CACNA1C: variants seen among roughly 807,000 people sequenced by gnomAD.
CACNA1C encodes the protein voltage-dependent L-type calcium channel subunit alpha-1C.
Under a neutral mutation model 229.0 loss-of-function variants are expected in CACNA1C, and 30 were observed. The ratio of observed to expected loss-of-function variants is 0.13; its 90% CI spans 0.10 to 0.18. The LOEUF is 0.18. Among genes scored for constraint, CACNA1C ranks in the 10% least tolerant of loss-of-function variants. The probability of loss-of-function intolerance (pLI) is 1.00; values close to 1 mark genes in which losing one functional copy is unlikely to be tolerated. For synonymous variants in CACNA1C, 1,114 were observed against 1,132.5 expected (o/e 0.98, Z 0.33); for missense variants, 1,658 against 2,845.0 (o/e 0.58, Z 9.49).
At chr12:2,136,262 C>T (rs976959763) in intron 3 of CACNA1C, among the ~76,000 whole-genome samples, 7 of 151,524 alleles carry the variant, frequency 4.6e-5, no homozygotes, top group African/African-American at 9.6e-5. Context: ...TCTTCTGCGT[C>T]GGTCACGCTG....
intron 3 of CACNA1C, among the ~76,000 whole-genome samples, chr12:2,337,503 C>A (rs553287502): frequency 6.6e-6 from 1 of 152,284 alleles, no homozygotes; most frequent in South Asian, 2.1e-4. Context: ...TTTAGATGTT[C>A]CAGTGTTCCA....
chr12:2,461,771 A>G (rs1175425943), intron 5 of CACNA1C, among the ~76,000 whole-genome samples: 2 of 152,112 alleles, frequency 1.3e-5, no homozygotes, highest in East Asian at 1.9e-4. Context: ...AGAAAATCCT[A>G]TGAGCTTTAC....
In CACNA1C at chr12:2,581,571, CCCT is replaced by C. The variant is rs2060513513; in HGVS notation, c.1896-15_1896-13del. The C allele has an allele frequency of 1.3e-6, 2 of 1,542,932 alleles. No homozygotes were observed. Among genetic ancestry groups the C allele is most frequent in the Non-Finnish European group, 1.8e-6 (2 of 1,141,136 alleles). On this transcript the variant is annotated splice_polypyrimidine_tract_variant and intron_variant, in intron 13 of 46. Coordinates refer to ENST00000399655, the MANE Select transcript of CACNA1C (RefSeq NM_000719.7). The stretch of plus-strand genomic sequence containing the variant: ...ACAGCAAGGGGCAGAGTGCTGACCT[CCCT>C]CCTGTTGGCTCTCAGGTACTGGAAC...
At chr12:2,127,556 C>G (rs1565861644) in intron 3 of CACNA1C, among the ~76,000 whole-genome samples, 1 of 152,218 alleles carries the variant, frequency 6.6e-6, no homozygotes, top group African/African-American at 2.4e-5. Flanking sequence ...CACATAGCTA[C>G]TGTATCATGT....
intron 3 of CACNA1C, among the ~76,000 whole-genome samples, chr12:2,385,856 T>A (rs553488737): frequency 3.2e-4 from 49 of 152,202 alleles, no homozygotes; most frequent in African/African-American, 1.1e-3. Flanking sequence ...CTCCATAGAG[T>A]GGGCCTGGGT....
intron 1 of CACNA1C, among the ~76,000 whole-genome samples, chr12:2,064,820 T>C (rs1351510743): frequency 6.6e-6 from 1 of 152,136 alleles, no homozygotes; most frequent in Non-Finnish European, 1.5e-5. Flanking sequence ...GATAATATCA[T>C]CGGCTGCATT....
rs116346169 is a variant in CACNA1C, at chr12:2,410,033, G to C, written c.478-38943G>C. ...CGCAAACAGAGGAGAATTTTCGCTC[G>C]GGGTGGGAATGAATCATCCTCACCT... On this transcript the variant is annotated intron_variant, in intron 3 of 46. Transcript: ENST00000399655. This position sits in a 1 kb window ranked among gnomAD's most constrained non-coding sequence, Gnocchi z 5.3. Among the ~76,000 whole-genome samples the C allele has an allele frequency of 3.3e-5, 5 of 152,276 alleles. No individual in the cohort carries two copies. The highest frequency in any genetic ancestry group is 3.4e-3 in the Middle Eastern group (1 of 294).
At chr12:2,682,499 T>G in intron 42 of CACNA1C, 51 bp from the exon 43 acceptor site, 1 of 1,594,840 alleles carries the variant, frequency 6.3e-7, no homozygotes, top group Non-Finnish European at 8.5e-7. Flanking sequence ...CTGAAGGAAG[T>G]GGAGGAAGGT....
intron 7 of CACNA1C, among the ~76,000 whole-genome samples, chr12:2,494,681 G>C (rs562365955): frequency 1.3e-5 from 2 of 152,234 alleles, no homozygotes; most frequent in African/African-American, 4.8e-5. Flanking sequence ...GGAAGGAAGA[G>C]TTTTGTAACT....
intron 1 of CACNA1C, among the ~76,000 whole-genome samples, chr12:2,079,259 C>T (rs1279856240): frequency 1.3e-5 from 2 of 151,820 alleles, no homozygotes; most frequent in East Asian, 3.9e-4. Flanking sequence ...TGCACATGTA[C>T]CCTAAAACTT....
At position 2,577,870 on chromosome 12, in the gene CACNA1C, C is replaced by CT. The variant is rs34284324; in HGVS notation, c.1896-3704dup. ...GACAATAAGCAAAGAAGTAATTATT[C>CT]TTTTTTTTTTTTTTTTGAGACGGAG... On this transcript the variant is annotated intron_variant, in intron 13 of 46. Coordinates refer to ENST00000399655, the MANE Select transcript of CACNA1C (RefSeq NM_000719.7). 6.6e-3 allele frequency among the ~76,000 whole-genome samples: 908 copies of CT among 138,120 alleles called. 9 individuals are homozygous for CT. Among genetic ancestry groups the CT allele is most frequent in the Middle Eastern group, 0.044 (12 of 270 alleles). 90.6% of individuals were successfully genotyped at this position (138,120 alleles called of 152,430 possible).
At chr12:2,217,055 A>T (rs1387727128) in intron 3 of CACNA1C, among the ~76,000 whole-genome samples, 2 of 152,286 alleles carry the variant, frequency 1.3e-5, no homozygotes, top group Non-Finnish European at 2.9e-5. Flanking sequence ...ATATACATAC[A>T]GTGGAATATC....
At chr12:2,681,839 C>T in intron 42 of CACNA1C, 1 of 712,976 alleles carries the variant, frequency 1.4e-6, no homozygotes, top group Non-Finnish European at 2.5e-6. Flanking sequence ...GTGGGCCCAG[C>T]ATGCAAGGTC....
chr12:2,197,319 C>A (rs1172670439), intron 3 of CACNA1C, among the ~76,000 whole-genome samples: 1 of 152,184 alleles, frequency 6.6e-6, no homozygotes, highest in Non-Finnish European at 1.5e-5. Context: ...GGAAGACCTC[C>A]TTGCTGCCCC....
At chr12:2,187,916 G>A (rs536435402) in intron 3 of CACNA1C, among the ~76,000 whole-genome samples, 3 of 152,338 alleles carry the variant, frequency 2.0e-5, no homozygotes, top group African/African-American at 7.2e-5. Flanking sequence ...AGCTGAGGGC[G>A]AGGAGGATGC....
At position 2,410,287 on chromosome 12, in the gene CACNA1C, A is replaced by G. The variant is rs114006489; in HGVS notation, c.478-38689A>G. Reference sequence around the variant, plus strand: ...CGGGCACCGTTTTAGCAGCCCCACCACCCATTTTTGGAAACACAACCCTGG... The same window carrying G: ...CGGGCACCGTTTTAGCAGCCCCACCGCCCATTTTTGGAAACACAACCCTGG... On this transcript the variant is annotated intron_variant, in intron 3 of 46. Coordinates refer to ENST00000399655, the MANE Select transcript of CACNA1C (RefSeq NM_000719.7). This position sits in a 1 kb window ranked among gnomAD's most constrained non-coding sequence, Gnocchi z 5.3. Among the ~76,000 whole-genome samples, 1,402 of 152,050 alleles carry G rather than the reference A, an allele frequency of 9.2e-3. 22 individuals are homozygous for G. The highest frequency in any genetic ancestry group is 0.032 in the African/African-American group (1,314 of 41,450).
Position 2,546,794 on chromosome 12 carries a change from C to T in CACNA1C, c.1391-3149C>T, listed in dbSNP as rs993479464. On this transcript the variant is annotated intron_variant, in intron 9 of 46. Transcript: ENST00000399655. ...CCCATTTAAACTGATTAAAAGCAGA[C>T]ACATATATGTTTTGGATGTGAGCCC... 2.0e-5 allele frequency among the ~76,000 whole-genome samples: 3 copies of T among 152,358 alleles called. 1 individual carries two copies.
At chr12:2,100,484 A>G (rs987513054) in intron 1 of CACNA1C, among the ~76,000 whole-genome samples, 1 of 149,926 alleles carries the variant, frequency 6.7e-6, no homozygotes, top group Admixed American at 6.6e-5. Flanking sequence ...AAAAAACAAA[A>G]AAAAAAAACA....
chr12:2,174,643 G>A (rs2096591654), intron 3 of CACNA1C, among the ~76,000 whole-genome samples: 1 of 151,992 alleles, frequency 6.6e-6, no homozygotes, highest in Admixed American at 6.6e-5. Context: ...AACAACATGG[G>A]GGTTAGAGAT....
Sources: gnomAD v4.1 joint callset for allele counts (sites outside exome capture counted in the v4.1 genomes callset) on GRCh38, gnomAD v4.1.1 for gene constraint, Gnocchi (gnomAD v3.1) non-coding constraint, MANE v1.5 for transcripts, NCBI Gene and HGNC (gene_info 2026-07-23, HGNC 2026-07-21) for gene names.